The following SEC24A variants were observed in gnomAD, a reference collection of about 807,000 sequenced individuals.
The protein encoded by SEC24A is protein transport protein Sec24A.
A neutral mutation model predicts 129.4 loss-of-function variants in SEC24A; 93 were observed. The observed-to-expected ratio is 0.72, with a 90% CI of 0.61 to 0.85. The LOEUF (loss-of-function observed/expected upper bound fraction) is 0.85, where lower values mean the gene tolerates loss of function less well. Among genes scored for constraint, SEC24A ranks in the 40% least tolerant of loss-of-function variants. SEC24A has a pLI of 0.00. For synonymous variants in SEC24A, 460 were observed against 467.3 expected (o/e 0.98, Z 0.20); for missense variants, 1,264 against 1,307.4 (o/e 0.97, Z 0.51).
At chr5:134,689,730 C>T (rs1751572905) in intron 11 of SEC24A, among the ~76,000 whole-genome samples, 1 of 151,042 alleles carries the variant, frequency 6.6e-6, no homozygotes, top group South Asian at 2.1e-4. Context: ...TGCCACCGCA[C>T]TCCAGCCTGG....
rs920315147 is a variant in SEC24A at position 134,676,116 on chromosome 5, A to G, written c.1245A>G (p.Lys415=). The change falls in exon 7 of 23, where the codon AAA becomes AAG. Residue 415 remains lysine (K), a synonymous_variant. Transcript: ENST00000398844. ...TGGGGCTGCTGCTTCATCCTTTCAA[A>G]GACTTAGTGGTATGTTTCTTTTCTT... ...LPLGLLLHPF[K]DLVQLPVVTS... 1.2e-6 allele frequency: 2 copies of G among 1,607,584 alleles called. No individual in the cohort carries two copies. Among genetic ancestry groups the G allele is most frequent in the South Asian group, 2.2e-5 (2 of 90,210 alleles).
intron 8 of SEC24A, among the ~76,000 whole-genome samples, chr5:134,681,754 T>G (rs1386676225): frequency 6.6e-6 from 1 of 152,152 alleles, no homozygotes; most frequent in Non-Finnish European, 1.5e-5. Flanking sequence ...AAAATACTCT[T>G]TGACCACTAG....
intron 15 of SEC24A, among the ~76,000 whole-genome samples, chr5:134,698,780 G>A (rs1304797006): frequency 6.6e-6 from 1 of 151,462 alleles, no homozygotes; most frequent in Non-Finnish European, 1.5e-5. Flanking sequence ...TTATAGGTGC[G>A]TGCCACCATG....
intron 17 of SEC24A, 39 bp downstream of exon 17, chr5:134,705,476 T>C (rs1412142389): frequency 6.1e-6 from 8 of 1,314,612 alleles, no homozygotes; most frequent in Non-Finnish European, 7.7e-6. Flanking sequence ...TTACAAGTAA[T>C]AACATTAGGC....
At chr5:134,705,089 TA>T (rs58128759) in intron 16 of SEC24A, among the ~76,000 whole-genome samples, 4,164 of 119,010 alleles carry the variant, frequency 0.035, 78 homozygotes, top group East Asian at 0.16. Context: ...TATATATATA[TA>T]TTTTTTTTTT....
chr5:134,657,380 A>G (rs1750285998), intron 1 of SEC24A, among the ~76,000 whole-genome samples: 1 of 151,926 alleles, frequency 6.6e-6, no homozygotes, highest in East Asian at 1.9e-4. Context: ...TTCTGTTCAA[A>G]TGAATAAACA....
intron 12 of SEC24A, 36 bp downstream of exon 12, chr5:134,692,693 A>T: frequency 8.7e-7 from 1 of 1,152,550 alleles, no homozygotes; most frequent in East Asian, 2.3e-5. Flanking sequence ...TGTTTAATTG[A>T]AATATTGAAG....
chr5:134,676,811 C>G (rs549424035), intron 7 of SEC24A, among the ~76,000 whole-genome samples: 1 of 152,234 alleles, frequency 6.6e-6, no homozygotes, highest in East Asian at 1.9e-4. Flanking sequence ...GCAAGAATTA[C>G]ATATAGAATT....
chr5:134,663,820 A>C (rs1750556848), intron 2 of SEC24A, among the ~76,000 whole-genome samples: 1 of 151,490 alleles, frequency 6.6e-6, no homozygotes, highest in Admixed American at 6.6e-5. Context: ...GACATAAATA[A>C]GTGCTGAGGC....
intron 2 of SEC24A, among the ~76,000 whole-genome samples, chr5:134,665,115 A>G (rs1247310069): frequency 1.3e-5 from 2 of 151,508 alleles, no homozygotes; most frequent in Non-Finnish European, 2.9e-5. Flanking sequence ...CAATTTTTCA[A>G]CTTGATACTG....
chr5:134,654,546 T>G (rs1200106560), intron 1 of SEC24A, among the ~76,000 whole-genome samples: 1 of 151,924 alleles, frequency 6.6e-6, no homozygotes, highest in Non-Finnish European at 1.5e-5. Flanking sequence ...TCTTTGTGTA[T>G]ACATATTTCC....
intron 3 of SEC24A, among the ~76,000 whole-genome samples, chr5:134,667,918 G>T (rs1252102109): frequency 1.3e-5 from 2 of 152,070 alleles, no homozygotes; most frequent in African/African-American, 4.8e-5. Context: ...TATAAAGTAA[G>T]AAATTTGATT....
At chr5:134,674,831 C>A in intron 5 of SEC24A, 56 bp downstream of exon 5, 1 of 1,486,774 alleles carries the variant, frequency 6.7e-7, no homozygotes, top group Non-Finnish European at 9.2e-7. Context: ...AAACTGTATA[C>A]ACATGAAGAA....
intron 18 of SEC24A, among the ~76,000 whole-genome samples, chr5:134,711,232 G>A (rs965238527): frequency 1.3e-5 from 2 of 152,138 alleles, no homozygotes; most frequent in Admixed American, 6.5e-5. Flanking sequence ...AGAGGCCAAG[G>A]TAGAAGGATT....
intron 13 of SEC24A, among the ~76,000 whole-genome samples, chr5:134,695,828 C>T (rs534400546): frequency 1.3e-5 from 2 of 151,300 alleles, no homozygotes; most frequent in South Asian, 2.1e-4. Flanking sequence ...GCGGTGTGCA[C>T]CTGTAGTCCC....
intron 1 of SEC24A, among the ~76,000 whole-genome samples, chr5:134,651,544 C>T (rs1202962657): frequency 6.6e-6 from 1 of 151,668 alleles, no homozygotes; most frequent in Non-Finnish European, 1.5e-5. Flanking sequence ...GATCCGCCCA[C>T]CCTGGCATCC....
rs1749943913 is a variant in SEC24A at position 134,648,812 on chromosome 5, C to T, written c.-265C>T. The T allele has an allele frequency of 6.0e-6, 2 of 332,308 alleles. No homozygotes were observed. Among genetic ancestry groups the T allele is most frequent in the Non-Finnish European group, 1.1e-5 (2 of 179,282 alleles). 20.6% of individuals were successfully genotyped at this position (332,308 alleles called of 1,614,324 possible). On this transcript the variant is annotated 5_prime_UTR_variant, in exon 1 of 23. Transcript: ENST00000398844. ...TTCCGGCCAGGGCCTCCCTCCTTCT[C>T]TCTAGGTTTGGCTGCCGCCTTCTAG...
chr5:134,693,759 A>G lies in SEC24A; in HGVS notation c.1812A>G (p.Gln604=). The change falls in exon 13 of 23, where the codon CAA becomes CAG. Residue 604 remains glutamine, a synonymous_variant. Coordinates refer to ENST00000398844, the MANE Select transcript of SEC24A (RefSeq NM_021982.3). Reference sequence around the variant, plus strand: ...AAGATTTACTGAAAACTTTGCCACAAATGTTTACCAAGACTCTGGAGACCC... The same window carrying G: ...AAGATTTACTGAAAACTTTGCCACAGATGTTTACCAAGACTCTGGAGACCC... ...LVQDLLKTLP[Q]MFTKTLETQS... is the part of the protein sequence containing the mutation. 3 of 1,614,020 alleles carry G rather than the reference A, an allele frequency of 1.9e-6. No homozygotes were observed. Among genetic ancestry groups the G allele is most frequent in the East Asian group, 2.2e-5 (1 of 44,888 alleles).
intron 4 of SEC24A, among the ~76,000 whole-genome samples, chr5:134,673,440 CTTTTG>C (rs1004430699): frequency 4.6e-5 from 7 of 151,962 alleles, no homozygotes; most frequent in East Asian, 3.9e-4. Context: ...ATTAACTGTT[CTTTTG>C]TTTTGTTGTT....
Sources: gnomAD v4.1 joint callset for allele counts (sites outside exome capture counted in the v4.1 genomes callset) on GRCh38, gnomAD v4.1.1 for gene constraint, MANE v1.5 for transcripts, NCBI Gene and HGNC (gene_info 2026-07-23, HGNC 2026-07-21) for gene names.